Variants in NBEAL1 observed in about 807,000 individuals in gnomAD.
NBEAL1 encodes neurobeachin-like protein 1.
In NBEAL1, 273 loss-of-function variants were observed where a neutral mutation model predicts 351.3. That is an observed-to-expected ratio of 0.78 (90% CI 0.70 to 0.86). The LOEUF is 0.86. Ranked by LOEUF, NBEAL1 falls within the 40% of genes least tolerant of loss-of-function variation. The probability of loss-of-function intolerance (pLI) is 0.00; values close to 1 mark genes in which losing one functional copy is unlikely to be tolerated. For synonymous variants in NBEAL1, 1,050 were observed against 1,086.4 expected, an observed-to-expected ratio of 0.97 and a Z score of 0.66; for missense variants, 2,961 against 3,201.3, an observed-to-expected ratio of 0.92 and a Z score of 1.81.
In NBEAL1 at chr2:203,062,200, T is replaced by C; in HGVS notation, c.515+4747T>C. ...ATTTTGTTTACCTTCACACAGTCTC[T>C]CTACCATATGACTTACATTTCTCCC... On this transcript the variant is annotated intron_variant, in intron 6 of 55. Transcript: ENST00000683969. This position sits in a 1 kb window ranked among gnomAD's most constrained non-coding sequence, Gnocchi z 4.2. The C allele has an allele frequency of 2.2e-6, 1 of 454,126 alleles. No individual in the cohort carries two copies. The highest frequency in any genetic ancestry group is 1.6e-5 in the South Asian group (1 of 64,146). 28.1% of individuals were successfully genotyped at this position (454,126 alleles called of 1,614,324 possible).
intron 3 of NBEAL1, among the ~76,000 whole-genome samples, chr2:203,047,285 A>G (rs965691885): frequency 4.6e-5 from 7 of 151,832 alleles, no homozygotes; most frequent in Admixed American, 1.3e-4. Flanking sequence ...AGTTGCCTGT[A>G]GAAGTATTGG....
At chr2:203,074,598 G>C (rs2061738792) in intron 7 of NBEAL1, 1 of 152,210 alleles carries the variant, frequency 6.6e-6, no homozygotes, top group Non-Finnish European at 1.5e-5. Context: ...AAAGTGCTAG[G>C]ATTACAGGCA....
chr2:203,201,487 C>T, intron 49 of NBEAL1, 56 bp from the exon 50 acceptor site: 1 of 1,328,140 alleles, frequency 7.5e-7, no homozygotes, highest in Non-Finnish European at 9.9e-7. Context: ...AAGAATAGTT[C>T]ACATCAGTAT....
chr2:203,044,694 T>G lies in NBEAL1; in HGVS notation c.143+2838T>G, dbSNP rs117587743. 6.4e-4 allele frequency among the ~76,000 whole-genome samples: 97 copies of G among 152,342 alleles called. 2 individuals carry two copies. In the East Asian group the frequency reaches 0.015, roughly 24 times the overall value. ...ATTTTTCTAATAGAAAACATTCAGA[T>G]TTTTAAGTACATGCTACGTACAAGA... On this transcript the variant is annotated intron_variant, in intron 3 of 55. Transcript: ENST00000683969.
intron 10 of NBEAL1, among the ~76,000 whole-genome samples, chr2:203,089,821 G>C (rs2062031680): frequency 6.6e-6 from 1 of 152,216 alleles, no homozygotes; most frequent in South Asian, 2.1e-4. Flanking sequence ...TGTTGCAGTA[G>C]AGGAAATGCT....
chr2:203,084,580 AT>A lies in NBEAL1; in HGVS notation c.1098+13del. On this transcript the variant is annotated intron_variant, in intron 10 of 55. Transcript: ENST00000683969. ...CTACAGAACTGCAAGGTATTTTTCT[AT>A]TATTGTTGTTGTCTTTGATTTTAAG... 1 of 1,413,742 alleles carries A rather than the reference AT, an allele frequency of 7.1e-7. No individual in the cohort carries two copies. Among genetic ancestry groups the A allele is most frequent in the East Asian group, 2.6e-5 (1 of 38,432 alleles). 87.6% of individuals were successfully genotyped at this position (1,413,742 alleles called of 1,614,324 possible).
At chr2:203,108,393 TA>T (rs2062484519) in intron 14 of NBEAL1, among the ~76,000 whole-genome samples, 1 of 66,044 alleles carries the variant, frequency 1.5e-5, no homozygotes, top group Non-Finnish European at 3.3e-5. Context: ...TATTGCTGGT[TA>T]AGTTTTTTTT....
chr2:203,147,421 A>T (rs765092332), intron 33 of NBEAL1, among the ~76,000 whole-genome samples: 2 of 152,136 alleles, frequency 1.3e-5, no homozygotes, highest in African/African-American at 4.8e-5. Context: ...CAATAGCTCT[A>T]AAAATAATAA....
In NBEAL1 at chr2:203,107,950, T is replaced by G; in HGVS notation, c.1711T>G (p.Ser571Ala). The G allele has an allele frequency of 6.4e-7, 1 of 1,554,106 alleles. No homozygotes were observed. Among genetic ancestry groups the G allele is most frequent in the Non-Finnish European group, 8.7e-7 (1 of 1,147,722 alleles). ...ATTGCTGAGAGTGGATGAATCTGAG[T>G]CTGTTCACCCTTATGTCACTCCCGT... is the stretch of plus-strand genomic sequence containing the variant. ...LRLLRVDESE[S>A]VHPYVTPVTR... The change falls in exon 14 of 56, where the codon TCT becomes GCT. Residue 571 changes from serine (S) to alanine (A), a missense_variant. Coordinates refer to ENST00000683969, the MANE Select transcript of NBEAL1 (RefSeq NM_001378026.1).
Position 203,175,209 on chromosome 2 carries a change from C to G in NBEAL1, c.6386C>G (p.Ser2129Ter). 1 of 1,613,586 alleles carries G rather than the reference C, an allele frequency of 6.2e-7. No homozygotes were observed. Among genetic ancestry groups the G allele is most frequent in the South Asian group, 1.1e-5 (1 of 91,000 alleles). ...AAGTTTCACTATGGTACTCACTATT[C>G]AAATTCTGCGGGGGTCATGCACTAT... is the stretch of plus-strand genomic sequence containing the variant. The part of the protein sequence containing the change: ...IDKFHYGTHY[S>*]NSAGVMHYLI... The change falls in exon 42 of 56, where the codon TCA becomes TGA. Residue 2129 changes from serine to a stop codon, truncating the protein, a stop_gained. Coordinates refer to ENST00000683969, the MANE Select transcript of NBEAL1 (RefSeq NM_001378026.1). LOFTEE classifies it high-confidence loss of function.
rs1448442417 is a variant in NBEAL1 at position 203,222,920 on chromosome 2, A to G, written c.*5566A>G. Among the ~76,000 whole-genome samples the G allele has an allele frequency of 1.3e-5, 2 of 152,208 alleles. No homozygotes were observed. The highest frequency in any genetic ancestry group is 1.9e-4 in the East Asian group (1 of 5,200). ...AACAGAGAAGAACGCATTAACATTT[A>G]AGATGTTTAATTCCAAATAGGAAAT... On this transcript the variant is annotated 3_prime_UTR_variant, in exon 56 of 56. Coordinates refer to ENST00000683969, the MANE Select transcript of NBEAL1 (RefSeq NM_001378026.1).
At chr2:203,054,279 A>G (rs565261284) in intron 4 of NBEAL1, among the ~76,000 whole-genome samples, 1 of 152,136 alleles carries the variant, frequency 6.6e-6, no homozygotes, top group East Asian at 1.9e-4. Context: ...TACAAAAATT[A>G]GCTGGGAATG....
intron 14 of NBEAL1, 91 bp from the exon 15 acceptor site, chr2:203,110,059 G>T: frequency 7.9e-7 from 1 of 1,258,142 alleles, no homozygotes; most frequent in Non-Finnish European, 1.1e-6. Flanking sequence ...GGGTAAAGAT[G>T]TTCATGATGG....
chr2:203,126,783 T>G, intron 22 of NBEAL1, 41 bp from the exon 23 acceptor site: 4 of 1,537,834 alleles, frequency 2.6e-6, no homozygotes, highest in Non-Finnish European at 3.5e-6. Context: ...CTATTGACTT[T>G]ATTTTAGCTG....
At position 203,220,158 on chromosome 2, in the gene NBEAL1, T is replaced by C. The variant is rs2065939174; in HGVS notation, c.*2804T>C. Among the ~76,000 whole-genome samples the C allele has an allele frequency of 6.6e-6, 1 of 152,138 alleles. No individual in the cohort carries two copies. Among genetic ancestry groups the C allele is most frequent in the Non-Finnish European group, 1.5e-5 (1 of 68,014 alleles). ...TGAAATAACAGGTGGACATTTCAAT[T>C]GGTGAATATAGTATCTCAAGTTGGC... On this transcript the variant is annotated 3_prime_UTR_variant, in exon 56 of 56. Coordinates refer to ENST00000683969, the MANE Select transcript of NBEAL1 (RefSeq NM_001378026.1).
chr2:203,127,027 G>T, intron 23 of NBEAL1, 101 bp downstream of exon 23: 3 of 813,126 alleles, frequency 3.7e-6, no homozygotes, highest in Non-Finnish European at 1.9e-6. Flanking sequence ...AGCGATTCTA[G>T]TATGTTTTAA....
upstream of NBEAL1, chr2:203,014,866 C>G (rs1374260414): frequency 1.3e-5 from 2 of 152,438 alleles, no homozygotes; most frequent in South Asian, 2.1e-4. Flanking sequence ...CGCCCCGCCC[C>G]CATGTCCCGC....
chr2:203,049,911 G>A lies in NBEAL1; in HGVS notation c.241G>A (p.Gly81Arg). 1.1e-5 allele frequency: 17 copies of A among 1,556,806 alleles called. No homozygotes were observed. Among genetic ancestry groups the A allele is most frequent in the Non-Finnish European group, 1.5e-5 (17 of 1,148,464 alleles). Reference protein sequence around the residue: ...LLQCVQKMADGLEEQQQALSI... With the variant: ...LLQCVQKMADRLEEQQQALSI... ...ACAGTGTGTTCAGAAAATGGCAGAT[G>A]GGTTAGAGGAACAACAGCAAGCCTT... is the stretch of plus-strand genomic sequence containing the variant. Residue 81 changes from glycine (G) to arginine (R), a missense_variant, in exon 4 of 56, where the codon GGG becomes AGG. Gly to Arg is a moderately radical substitution (Grantham distance 125). Coordinates refer to ENST00000683969, the MANE Select transcript of NBEAL1 (RefSeq NM_001378026.1).
At chr2:203,036,655 A>C (rs2061044184) in intron 2 of NBEAL1, among the ~76,000 whole-genome samples, 1 of 149,260 alleles carries the variant, frequency 6.7e-6, no homozygotes, top group Admixed American at 6.7e-5. Flanking sequence ...GCAGATATTC[A>C]AAAAATTGTG....
Sources: gnomAD v4.1 joint callset for allele counts (sites outside exome capture counted in the v4.1 genomes callset) on GRCh38, gnomAD v4.1.1 for gene constraint, Gnocchi (gnomAD v3.1) non-coding constraint, MANE v1.5 for transcripts, NCBI Gene and HGNC (gene_info 2026-07-23, HGNC 2026-07-21) for gene names.